Variants in BARX2 observed in about 807,000 individuals in gnomAD.
BARX2 encodes BARX homeobox 2, also known as homeobox protein BarH-like 2.
In BARX2, 11 loss-of-function variants were observed where a neutral mutation model predicts 25.5. The ratio of observed to expected loss-of-function variants is 0.43; its 90% CI spans 0.27 to 0.71. The LOEUF is 0.71. Ranked by LOEUF, BARX2 falls within the 30% of genes least tolerant of loss-of-function variation. The pLI is 0.19. For missense variants in BARX2, 360 were observed against 359.9 expected, an observed-to-expected ratio of 1.00 and a Z score of 0.00; for synonymous variants, 137 against 149.5, an observed-to-expected ratio of 0.92 and a Z score of 0.61.
chr11:129,418,768 C>T lies in BARX2; in HGVS notation c.188-17983C>T, dbSNP rs141351588. ...GTAGTATAACGAACGCCTGGCATAGCTCATTATTAACACACCCTACAAGGT... is the reference window on the plus strand; with the variant it reads ...GTAGTATAACGAACGCCTGGCATAGTTCATTATTAACACACCCTACAAGGT... On this transcript the variant is annotated intron_variant, in intron 1 of 3. Coordinates refer to ENST00000281437, the MANE Select transcript of BARX2 (RefSeq NM_003658.5). Among the ~76,000 whole-genome samples the T allele has an allele frequency of 3.3e-3, 504 of 152,276 alleles. 3 individuals carry two copies. Among genetic ancestry groups the T allele is most frequent in the African/African-American group, 0.011 (467 of 41,542 alleles).
chr11:129,378,760 A>AG (rs1285807240), intron 1 of BARX2, among the ~76,000 whole-genome samples: 3 of 151,394 alleles, frequency 2.0e-5, no homozygotes, highest in African/African-American at 4.8e-5. Context: ...GAAAACTAAG[A>AG]GAAAAAAAAG....
At chr11:129,443,959 T>C (rs975611850) in intron 3 of BARX2, among the ~76,000 whole-genome samples, 7 of 152,080 alleles carry the variant, frequency 4.6e-5, no homozygotes, top group African/African-American at 7.2e-5. Context: ...TGGCTCTTTC[T>C]CCTCTCGTCC....
intron 1 of BARX2, among the ~76,000 whole-genome samples, chr11:129,434,813 A>G (rs995067544): frequency 3.3e-5 from 5 of 152,198 alleles, no homozygotes; most frequent in African/African-American, 1.2e-4. Flanking sequence ...CCAACAATAT[A>G]TGAATGCCTA....
intron 1 of BARX2, among the ~76,000 whole-genome samples, chr11:129,382,081 G>A (rs4477446): frequency 0.083 from 12,582 of 152,262 alleles, 752 homozygotes; most frequent in South Asian, 0.21. Context: ...AGCAATTTTA[G>A]GTGTTATTTG....
At chr11:129,448,803 C>T (rs533508111) in intron 3 of BARX2, among the ~76,000 whole-genome samples, 3 of 152,352 alleles carry the variant, frequency 2.0e-5, no homozygotes, top group South Asian at 2.1e-4. Context: ...AAGCAACCCA[C>T]GTGTCCATCA....
At chr11:129,377,781 CAG>C (rs1861519216) in intron 1 of BARX2, among the ~76,000 whole-genome samples, 1 of 152,218 alleles carries the variant, frequency 6.6e-6, no homozygotes, top group South Asian at 2.1e-4. Flanking sequence ...CAGGACAAAA[CAG>C]AACAACTTCT....
At chr11:129,391,025 G>A (rs1466586349) in intron 1 of BARX2, among the ~76,000 whole-genome samples, 1 of 152,204 alleles carries the variant, frequency 6.6e-6, no homozygotes, top group Non-Finnish European at 1.5e-5. Context: ...AGTTTCTGCT[G>A]TTGGTAAAAC....
intron 1 of BARX2, among the ~76,000 whole-genome samples, chr11:129,392,990 G>A (rs1271315393): frequency 6.6e-6 from 1 of 152,106 alleles, no homozygotes; most frequent in Non-Finnish European, 1.5e-5. Context: ...CAGATAGAAG[G>A]CCAGAAATGG....
rs1395452042 is a variant in BARX2 at position 129,434,466 on chromosome 11, T to TGTTGCCCAG, written c.188-2283_188-2275dup. ...AAAAAACAGAGACACGGTCTCACTC[T>TGTTGCCCAG]GTTGCCCAGGCTGGTCTTGAACTGC... On this transcript the variant is annotated intron_variant, in intron 1 of 3. Transcript: ENST00000281437. Among the ~76,000 whole-genome samples the TGTTGCCCAG allele has an allele frequency of 2.7e-5, 4 of 148,288 alleles. No homozygotes were observed. In the East Asian group the frequency reaches 8.0e-4, roughly 30 times the overall value.
intron 2 of BARX2, among the ~76,000 whole-genome samples, chr11:129,441,924 T>C (rs184507047): frequency 1.3e-5 from 2 of 152,262 alleles, no homozygotes; most frequent in African/African-American, 4.8e-5. Flanking sequence ...GGGCTTAGCA[T>C]GTACCCTGGG....
At position 129,451,200 on chromosome 11, in the gene BARX2, C is replaced by G. The variant is rs1480624720; in HGVS notation, c.638C>G (p.Pro213Arg). The change falls in exon 4 of 4, where the codon CCC becomes CGC. Residue 213 changes from proline to arginine, a missense_variant. Physicochemically the swap from Pro to Arg is moderately radical, Grantham distance 103. Around this residue, in one of 3 missense-constraint regions of BARX2, gnomAD observed 114 missense variants for 109.4 expected, o/e 1.04. Transcript: ENST00000281437. ...GGTCGCCCCAAGAAGAACTCCATCCCCACATCAGAAGAGATTGAAGCTGAA... is the reference window on the plus strand; with the variant it reads ...GGTCGCCCCAAGAAGAACTCCATCCGCACATCAGAAGAGATTGAAGCTGAA... The part of the protein sequence containing the change: ...PKGRPKKNSI[P>R]TSEEIEAEEK... 6.2e-7 allele frequency: 1 copy of G among 1,614,056 alleles called. No individual in the cohort carries two copies. The highest frequency in any genetic ancestry group is 1.3e-5 in the African/African-American group (1 of 74,934).
chr11:129,435,326 G>C (rs903486065), intron 1 of BARX2, among the ~76,000 whole-genome samples: 1 of 152,174 alleles, frequency 6.6e-6, no homozygotes, highest in South Asian at 2.1e-4. Flanking sequence ...TGTGGTTTCT[G>C]CTGGGCCTAG....
At chr11:129,426,939 C>T (rs1212505841) in intron 1 of BARX2, among the ~76,000 whole-genome samples, 1 of 152,162 alleles carries the variant, frequency 6.6e-6, no homozygotes. Context: ...CGGTATATGG[C>T]TGCAAGGGCA....
At chr11:129,449,439 A>G (rs372877158) in intron 3 of BARX2, among the ~76,000 whole-genome samples, 5 of 152,222 alleles carry the variant, frequency 3.3e-5, no homozygotes, top group Admixed American at 3.3e-4. Context: ...GTTTATAAAT[A>G]GCGAAAATAT....
At chr11:129,404,247 G>C (rs1351571658) in intron 1 of BARX2, among the ~76,000 whole-genome samples, 1 of 152,172 alleles carries the variant, frequency 6.6e-6, no homozygotes, top group African/African-American at 2.4e-5. Context: ...GCTTGGAGAG[G>C]GCAGCGAGGG....
chr11:129,437,295 C>T, intron 2 of BARX2: 1 of 568,840 alleles, frequency 1.8e-6, no homozygotes. Context: ...CATATTTGAA[C>T]TTAACTATTT....
intron 1 of BARX2, among the ~76,000 whole-genome samples, chr11:129,379,889 G>A (rs1013007381): frequency 4.7e-4 from 72 of 151,628 alleles, no homozygotes; most frequent in African/African-American, 1.7e-3. Flanking sequence ...TACAGCCTGC[G>A]AATAGGATGA....
At chr11:129,393,659 GA>G (rs1278935889) in intron 1 of BARX2, among the ~76,000 whole-genome samples, 2 of 151,848 alleles carry the variant, frequency 1.3e-5, no homozygotes, top group African/African-American at 4.8e-5. Flanking sequence ...AACTATTCCA[GA>G]ATGGCTATGA....
intron 1 of BARX2, among the ~76,000 whole-genome samples, chr11:129,428,537 G>A (rs1258619877): frequency 6.6e-6 from 1 of 152,180 alleles, no homozygotes; most frequent in Non-Finnish European, 1.5e-5. Flanking sequence ...TGAAATTAAA[G>A]CTCTGGGTCA....
Sources: allele counts gnomAD v4.1 joint callset (sites outside exome capture counted in the v4.1 genomes callset), GRCh38; gene constraint gnomAD v4.1.1; regional missense constraint gnomAD v4.1.1; transcripts MANE v1.5; gene names NCBI Gene and HGNC (gene_info 2026-07-23, HGNC 2026-07-21).